The following CYB5R1 variants were observed in gnomAD, a reference collection of about 807,000 sequenced individuals.
The protein encoded by CYB5R1 is cytochrome b5 reductase 1.
In CYB5R1, 32 loss-of-function variants were observed where a neutral mutation model predicts 37.4. The ratio of observed to expected loss-of-function variants is 0.86; its 90% CI spans 0.65 to 1.15. The LOEUF (loss-of-function observed/expected upper bound fraction) is 1.15, where lower values mean the gene tolerates loss of function less well. Ranked by LOEUF, CYB5R1 falls within the 50% of genes most tolerant of loss-of-function variation. CYB5R1 has a pLI of 0.00. For synonymous variants in CYB5R1, 159 were observed against 155.2 expected (o/e 1.02, Z -0.18); for missense variants, 345 against 382.5 (o/e 0.90, Z 0.82).
chr1:202,964,738 TAC>T, intron 5 of CYB5R1, 43 bp from the exon 6 acceptor site: 2 of 1,397,060 alleles, frequency 1.4e-6, no homozygotes, highest in East Asian at 4.6e-5. Context: ...ATAAAGTCAA[TAC>T]AGCGAACTTA....
chr1:202,966,941 G>C (rs780072508), intron 1 of CYB5R1, 43 bp from the exon 2 acceptor site: 1 of 1,555,858 alleles, frequency 6.4e-7, no homozygotes, highest in Non-Finnish European at 8.7e-7. Context: ...CTGGGTAAGA[G>C]CCCGGGGCTT....
intron 2 of CYB5R1, 32 bp from the exon 3 acceptor site, chr1:202,966,632 A>G (rs781658766): frequency 3.3e-5 from 53 of 1,614,020 alleles, no homozygotes; most frequent in Non-Finnish European, 4.4e-5. Flanking sequence ...TGTTTCACCA[A>G]GCGCGCCTGG....
In CYB5R1 at chr1:202,966,874, C is replaced by T. The variant is rs1048173748; in HGVS notation, c.40G>A (p.Gly14Arg). ...QTSPVLLASL[G>R]VGLVTLLGLA... is the part of the protein sequence containing the mutation. ...CCGAGCAGAGTGACCAGCCCCACCC[C>T]CAGGGAGGCCAGCAGGACGGGGCTC... Residue 14 changes from glycine to arginine, a missense_variant, in exon 2 of 9, where the codon GGG (glycine) becomes AGG (arginine). By Grantham distance (125) the Gly-to-Arg change is moderately radical. Transcript: ENST00000367249. 3.1e-6 allele frequency: 5 copies of T among 1,612,290 alleles called. No individual in the cohort carries two copies. Among genetic ancestry groups the T allele is most frequent in the Middle Eastern group, 3.3e-4 (2 of 6,046 alleles).
Position 202,962,620 on chromosome 1 carries a change from T to G in CYB5R1, c.825A>C (p.Val275=). ...HLPAPGDDVL[V]LLCGPPPMVQ... The stretch of plus-strand genomic sequence containing the variant: ...CCATTGGGGGTGGCCCACAAAGCAG[T>G]ACCAGCACATCATCCCCTGGAGCGG... The change falls in exon 9 of 9, where the codon GTA becomes GTC. Residue 275 remains valine, a synonymous_variant. Transcript: ENST00000367249. 1 of 1,614,206 alleles carries G rather than the reference T, an allele frequency of 6.2e-7. No individual in the cohort carries two copies. The highest frequency in any genetic ancestry group is 1.7e-4 in the Middle Eastern group (1 of 6,058).
rs1558019806 is a variant in CYB5R1 at position 202,962,566 on chromosome 1, G to A, written c.879C>T (p.Asp293=). The A allele has an allele frequency of 1.9e-6, 3 of 1,613,404 alleles. No individual in the cohort carries two copies. Among genetic ancestry groups the A allele is most frequent in the Non-Finnish European group, 2.5e-6 (3 of 1,179,786 alleles). ...GCATCTTTTGTGAGTAGCCCAGTTT[G>A]TCCAAGTTGGGATGGCAGGCCAGCT... is the stretch of plus-strand genomic sequence containing the variant. The part of the protein sequence containing the change: ...MVQLACHPNL[D]KLGYSQKMRF... The change falls in exon 9 of 9, where the codon GAC becomes GAT. Residue 293 remains aspartate (D), a synonymous_variant. Coordinates refer to ENST00000367249, the MANE Select transcript of CYB5R1 (RefSeq NM_016243.3).
At position 202,962,322 on chromosome 1, in the gene CYB5R1, T is replaced by A. The variant is rs1655004762; in HGVS notation, c.*205A>T. On this transcript the variant is annotated 3_prime_UTR_variant, in exon 9 of 9. Coordinates refer to ENST00000367249, the MANE Select transcript of CYB5R1 (RefSeq NM_016243.3). ...TCCTGGACCTGTTGCCACGGGGAGATTTAGGAGGCCATCCAAGGAGTGACT... is the reference window on the plus strand; with the variant it reads ...TCCTGGACCTGTTGCCACGGGGAGAATTAGGAGGCCATCCAAGGAGTGACT... 2 of 576,324 alleles carry A rather than the reference T, an allele frequency of 3.5e-6. No homozygotes were observed. Among genetic ancestry groups the A allele is most frequent in the Non-Finnish European group, 5.8e-6 (2 of 344,358 alleles). 35.7% of individuals were successfully genotyped at this position (576,324 alleles called of 1,614,324 possible).
At chr1:202,966,947 G>A (rs1655110651) in intron 1 of CYB5R1, 49 bp from the exon 2 acceptor site, 23 of 1,545,202 alleles carry the variant, frequency 1.5e-5, no homozygotes, top group Admixed American at 2.0e-5. Flanking sequence ...AAGAGCCCGG[G>A]GCTTGGGTGG....
intron 4 of CYB5R1, 21 bp downstream of exon 4, chr1:202,965,866 G>A (rs1655081403): frequency 6.6e-7 from 1 of 1,517,482 alleles, no homozygotes; most frequent in East Asian, 2.3e-5. Flanking sequence ...GCAGCCCCTG[G>A]GTCCCTTCCT....
At chr1:202,965,231 G>T (rs374881142) in intron 5 of CYB5R1, 140 bp downstream of exon 5, 26 of 960,388 alleles carry the variant, frequency 2.7e-5, no homozygotes, top group East Asian at 2.2e-4. Flanking sequence ...CCTTTCTATT[G>T]TATCAGCGCT....
In CYB5R1 at chr1:202,961,881, TCA is replaced by T. The variant is rs1423722902; in HGVS notation, c.*644_*645del. 1 of 152,192 alleles carries T rather than the reference TCA, an allele frequency of 6.6e-6. No individual in the cohort carries two copies. The highest frequency in any genetic ancestry group is 1.5e-5 in the Non-Finnish European group (1 of 68,032). 9.4% of individuals were successfully genotyped at this position (152,192 alleles called of 1,614,324 possible). ...CCCAGACACAACAACCCTTTCAATA[TCA>T]CACAGGGGCCTCAGCCCCATTTATT... is the stretch of plus-strand genomic sequence containing the variant. On this transcript the variant is annotated 3_prime_UTR_variant, in exon 9 of 9. Transcript: ENST00000367249.
intron 8 of CYB5R1, 124 bp downstream of exon 8, chr1:202,962,942 C>T (rs1018832464): frequency 9.7e-6 from 10 of 1,026,398 alleles, no homozygotes; most frequent in Admixed American, 1.7e-5. Context: ...TGTCTGTGCA[C>T]TCAGACTTCC....
At chr1:202,965,233 A>C in intron 5 of CYB5R1, 138 bp downstream of exon 5, 13 of 941,752 alleles carry the variant, frequency 1.4e-5, no homozygotes, top group Non-Finnish European at 1.7e-5. Context: ...TTTCTATTGT[A>C]TCAGCGCTAT....
At position 202,966,543 on chromosome 1, in the gene CYB5R1, G is replaced by A. The variant is rs757718517; in HGVS notation, c.223C>T (p.Leu75=). 1.7e-5 allele frequency: 27 copies of A among 1,614,112 alleles called. No individual in the cohort carries two copies. The highest frequency in any genetic ancestry group is 1.6e-4 in the Middle Eastern group (1 of 6,084). ...RFALPTAHHT[L]GLPVGKHIYL... ...CTTTCCTTACCCACAGGCAGCCCCAGAGTGTGGTGGGCGGTGGGCAGGGCA... is the reference window on the plus strand; with the variant it reads ...CTTTCCTTACCCACAGGCAGCCCCAAAGTGTGGTGGGCGGTGGGCAGGGCA... Residue 75 remains leucine (L), a synonymous_variant, in exon 3 of 9, where the codon CTG becomes TTG. Transcript: ENST00000367249.
In CYB5R1 at chr1:202,965,411, C is replaced by T. The variant is rs1419138516; in HGVS notation, c.435G>A (p.Glu145=). Residue 145 remains glutamate, a synonymous_variant, in exon 5 of 9, where the codon GAG becomes GAA. Coordinates refer to ENST00000367249, the MANE Select transcript of CYB5R1 (RefSeq NM_016243.3). The stretch of plus-strand genomic sequence containing the variant: ...TGAGCAACCCGCTTGGCCCCCGAAA[C>T]TCCACCACATCCCCAACCTTCAGGC... ...LDSLKVGDVV[E]FRGPSGLLTY... 2 of 1,606,052 alleles carry T rather than the reference C, an allele frequency of 1.2e-6. No individual in the cohort carries two copies. The highest frequency in any genetic ancestry group is 1.1e-5 in the South Asian group (1 of 90,186).
chr1:202,964,198 G>T (rs188088158), intron 6 of CYB5R1: 1 of 195,196 alleles, frequency 5.1e-6, no homozygotes, highest in African/African-American at 2.3e-5. Flanking sequence ...AAAAGGAAAA[G>T]GCTAGTACCT....
At chr1:202,966,671 C>T in intron 2 of CYB5R1, 71 bp from the exon 3 acceptor site, 1 of 1,613,282 alleles carries the variant, frequency 6.2e-7, no homozygotes. Context: ...ACATCCCAAC[C>T]ACCGTGGGTG....
At chr1:202,962,774 G>C in intron 8 of CYB5R1, 75 bp from the exon 9 acceptor site, 1 of 1,552,442 alleles carries the variant, frequency 6.4e-7, no homozygotes, top group South Asian at 1.1e-5. Context: ...CATGAGACTG[G>C]GGAGGGCCCT....
Position 202,965,529 on chromosome 1 carries a change from T to C in CYB5R1, c.346-29A>G, listed in dbSNP as rs200115677. ...ACAAGACAGAGAGAAAAATACCTTA[T>C]TTGGAATGTCACTGGTTTCTGAGCC... On this transcript the variant is annotated intron_variant, in intron 4 of 8. Coordinates refer to ENST00000367249, the MANE Select transcript of CYB5R1 (RefSeq NM_016243.3). 6.5e-4 allele frequency: 1,015 copies of C among 1,555,176 alleles called. 4 individuals carry two copies. The East Asian group carries it at 6.7e-3, about 10-fold the overall frequency.
At position 202,967,235 on chromosome 1, in the gene CYB5R1, C is replaced by G. The variant is rs746140681; in HGVS notation, c.-30G>C. 6.2e-7 allele frequency: 1 copy of G among 1,602,714 alleles called. No individual in the cohort carries two copies. Among genetic ancestry groups the G allele is most frequent in the East Asian group, 2.3e-5 (1 of 44,098 alleles). ...GAGCGCCTTTTCCTCCACCACCTGA[C>G]AAGCCGACAGATCCCACAATGCGCC... On this transcript the variant is annotated 5_prime_UTR_variant, in exon 1 of 9. Transcript: ENST00000367249.
Sources: allele counts gnomAD v4.1 joint callset, GRCh38; gene constraint gnomAD v4.1.1; transcripts MANE v1.5; gene names NCBI Gene and HGNC (gene_info 2026-07-23, HGNC 2026-07-21).